The following EPS15L1 variants were observed in gnomAD, a reference collection of about 807,000 sequenced individuals.
EPS15L1 encodes epidermal growth factor receptor substrate 15-like 1.
A neutral mutation model predicts 117.1 loss-of-function variants in EPS15L1; 43 were observed. That is an observed-to-expected ratio of 0.37 (90% CI 0.29 to 0.47). The LOEUF is 0.47. EPS15L1 is among the 20% of genes least tolerant of loss of function. The probability of loss-of-function intolerance (pLI) is 0.99; values close to 1 mark genes in which losing one functional copy is unlikely to be tolerated. For synonymous variants in EPS15L1, 459 were observed against 470.5 expected, an observed-to-expected ratio of 0.98 and a Z score of 0.32; for missense variants, 981 against 1,164.0, an observed-to-expected ratio of 0.84 and a Z score of 2.29.
rs1448616602 is a variant in EPS15L1, at chr19:16,421,354, G to C, written c.915C>G (p.His305Gln). 2 of 1,613,462 alleles carry C rather than the reference G, an allele frequency of 1.2e-6. No homozygotes were observed. The highest frequency in any genetic ancestry group is 1.7e-6 in the Non-Finnish European group (2 of 1,179,616). The change falls in exon 10 of 24, where the codon CAC (histidine) becomes CAG (glutamine). Residue 305 changes from histidine to glutamine, a missense_variant. His to Gln is a conservative substitution (Grantham distance 24). Coordinates refer to ENST00000455140, the MANE Select transcript of EPS15L1 (RefSeq NM_001258374.3). ...CTAGAAGGTTCTGGGTGAGGCCCGAGTGCATGAAGATCTCCTTCACCTCCT... is the reference window on the plus strand; with the variant it reads ...CTAGAAGGTTCTGGGTGAGGCCCGACTGCATGAAGATCTCCTTCACCTCCT... ...SGQEVKEIFMHSGLTQNLLAH... is the reference protein window; with the variant it reads ...SGQEVKEIFMQSGLTQNLLAH...
In EPS15L1 at chr19:16,404,278, T is replaced by A. The variant is rs1045566319; in HGVS notation, c.1428+310A>T. 6.6e-6 allele frequency among the ~76,000 whole-genome samples: 1 copy of A among 152,086 alleles called. No individual in the cohort carries two copies. The highest frequency in any genetic ancestry group is 1.5e-5 in the Non-Finnish European group (1 of 68,010). On this transcript the variant is annotated intron_variant, in intron 14 of 23. Transcript: ENST00000455140. The surrounding 1 kb of genome is among the most constrained non-coding windows in gnomAD (Gnocchi z 4.2). ...ATCTGTGAGGAGCCTCAGAGACACC[T>A]GAGGAGGGGACACAGGCACCCTGGA...
Position 16,355,860 on chromosome 19 carries a change from G to GA in EPS15L1, c.2587-10dup, listed in dbSNP as rs763795002. 8 of 1,535,014 alleles carry GA rather than the reference G, an allele frequency of 5.2e-6. 1 individual carries two copies. In the South Asian group the frequency reaches 7.1e-5, roughly 14 times the overall value. Reference sequence around the variant, plus strand: ...TGCTCCTCATTGCCAAACTGCAAAGGAAAAACGGAGAGTGGGTGATGTGGC... The same window carrying GA: ...TGCTCCTCATTGCCAAACTGCAAAGGAAAAAACGGAGAGTGGGTGATGTGGC... On this transcript the variant is annotated splice_polypyrimidine_tract_variant and intron_variant, in intron 23 of 23. Transcript: ENST00000455140.
intron 22 of EPS15L1, among the ~76,000 whole-genome samples, chr19:16,368,365 C>A (rs2092169079): frequency 6.6e-6 from 1 of 152,186 alleles, no homozygotes; most frequent in African/African-American, 2.4e-5. Context: ...TGATCCTACA[C>A]AACAGGAGAT....
chr19:16,462,459 G>A (rs746582026), intron 1 of EPS15L1, among the ~76,000 whole-genome samples: 14 of 152,146 alleles, frequency 9.2e-5, no homozygotes, highest in East Asian at 1.9e-4. Flanking sequence ...CCAGGAGTTC[G>A]AGACCAGCCT....
intron 15 of EPS15L1, among the ~76,000 whole-genome samples, chr19:16,403,247 G>A (rs1349181052): frequency 2.0e-5 from 3 of 152,214 alleles, no homozygotes; most frequent in Non-Finnish European, 4.4e-5. Context: ...CCTGGACTGG[G>A]AAGAGGGTGG....
chr19:16,463,466 G>A (rs1038965352), intron 1 of EPS15L1, among the ~76,000 whole-genome samples: 3 of 152,102 alleles, frequency 2.0e-5, no homozygotes, highest in African/African-American at 7.2e-5. Flanking sequence ...CACAGAGACT[G>A]TCTCGGAGCT....
At chr19:16,398,423 G>A (rs1264678168) in intron 16 of EPS15L1, among the ~76,000 whole-genome samples, 2 of 152,124 alleles carry the variant, frequency 1.3e-5, no homozygotes, top group Admixed American at 6.5e-5. Flanking sequence ...AGGTGCTGAC[G>A]ACCACAAGAC....
chr19:16,361,596 TA>T, intron 23 of EPS15L1, 182 bp downstream of exon 23: 2 of 1,330,170 alleles, frequency 1.5e-6, no homozygotes. Context: ...TTTTTTTTTT[TA>T]TTGAGAAACT....
chr19:16,369,532 A>G (rs2092189954), intron 22 of EPS15L1, among the ~76,000 whole-genome samples: 1 of 152,166 alleles, frequency 6.6e-6, no homozygotes, highest in South Asian at 2.1e-4. Context: ...AGTGGGGAAA[A>G]GGTGCTGTGC....
intron 7 of EPS15L1, among the ~76,000 whole-genome samples, chr19:16,433,230 C>T (rs748682467): frequency 5.3e-5 from 8 of 151,878 alleles, no homozygotes; most frequent in Non-Finnish European, 1.2e-4. Flanking sequence ...TGGGTTCAAA[C>T]GATTCTCCTG....
chr19:16,403,696 C>T (rs375546436), intron 15 of EPS15L1, 37 bp downstream of exon 15: 15 of 1,593,858 alleles, frequency 9.4e-6, no homozygotes, highest in Non-Finnish European at 1.3e-5. Context: ...GCTCGCTGGT[C>T]CCTGGCATGT....
At chr19:16,420,020 G>A (rs942377421) in intron 10 of EPS15L1, among the ~76,000 whole-genome samples, 7 of 152,348 alleles carry the variant, frequency 4.6e-5, no homozygotes, top group East Asian at 1.9e-4. Context: ...TGACCCGTAC[G>A]GTGGCAGCCA....
intron 12 of EPS15L1, among the ~76,000 whole-genome samples, chr19:16,416,409 G>C (rs2092758162): frequency 6.6e-6 from 1 of 152,202 alleles, no homozygotes; most frequent in Non-Finnish European, 1.5e-5. Flanking sequence ...GCCAAGGCCA[G>C]AGGATCACTT....
At chr19:16,459,001 C>T (rs2093223153) in intron 1 of EPS15L1, among the ~76,000 whole-genome samples, 1 of 152,218 alleles carries the variant, frequency 6.6e-6, no homozygotes, top group African/African-American at 2.4e-5. Flanking sequence ...GTGGTCTAGC[C>T]TATTACTCCC....
At chr19:16,420,956 G>A (rs1029584507) in intron 10 of EPS15L1, among the ~76,000 whole-genome samples, 2 of 152,210 alleles carry the variant, frequency 1.3e-5, no homozygotes, top group African/African-American at 4.8e-5. Flanking sequence ...AGGCTCCAAG[G>A]CCCTGCTGCC....
In EPS15L1 at chr19:16,452,068, G is replaced by A. The variant is rs568756264; in HGVS notation, c.34-9849C>T. Among the ~76,000 whole-genome samples, 159 of 151,926 alleles carry A rather than the reference G, an allele frequency of 1.0e-3. 2 individuals carry two copies. Among genetic ancestry groups the A allele is most frequent in the South Asian group, 7.5e-3 (36 of 4,818 alleles). On this transcript the variant is annotated intron_variant, in intron 1 of 23. Transcript: ENST00000455140. The stretch of plus-strand genomic sequence containing the variant: ...GCAGGAGAAATGCTTAAACCCAGGA[G>A]GCGTAGGTTGCAGTGAGCCAAGATC...
Position 16,434,436 on chromosome 19 carries a change from C to G in EPS15L1, c.427G>C (p.Gly143Arg). ...GIFESLLPIN[G>R]LLSGDKVKPV... Reference sequence around the variant, plus strand: ...TTGACTTTGTCTCCAGAGAGCAAACCATTGATGGGCAAGAGGCTTTCAAAA... The same window carrying G: ...TTGACTTTGTCTCCAGAGAGCAAACGATTGATGGGCAAGAGGCTTTCAAAA... Residue 143 changes from glycine to arginine, a missense_variant, in exon 7 of 24, where the codon GGT (glycine) becomes CGT (arginine). Physicochemically the swap from Gly to Arg is moderately radical, Grantham distance 125. Transcript: ENST00000455140. The G allele has an allele frequency of 6.2e-7, 1 of 1,614,174 alleles. No individual in the cohort carries two copies. Among genetic ancestry groups the G allele is most frequent in the Non-Finnish European group, 8.5e-7 (1 of 1,180,024 alleles).
intron 1 of EPS15L1, among the ~76,000 whole-genome samples, chr19:16,444,955 G>C (rs907505761): frequency 6.6e-6 from 1 of 152,164 alleles, no homozygotes; most frequent in African/African-American, 2.4e-5. Context: ...CTGACCTCAG[G>C]TGATCCGCCT....
At chr19:16,406,223 T>C (rs2092654928) in intron 13 of EPS15L1, among the ~76,000 whole-genome samples, 2 of 152,262 alleles carry the variant, frequency 1.3e-5, no homozygotes, top group South Asian at 2.1e-4. Context: ...AGGCAAATCA[T>C]GCCTCAGGAA....
Sources: gnomAD v4.1 joint callset for allele counts (sites outside exome capture counted in the v4.1 genomes callset) on GRCh38, gnomAD v4.1.1 for gene constraint, Gnocchi (gnomAD v3.1) non-coding constraint, MANE v1.5 for transcripts, NCBI Gene and HGNC (gene_info 2026-07-23, HGNC 2026-07-21) for gene names.